The following MAPRE2 variants were observed in gnomAD, a reference collection of about 807,000 sequenced individuals.
MAPRE2 encodes microtubule-associated protein RP/EB family member 2.
Under a neutral mutation model 43.2 loss-of-function variants are expected in MAPRE2, and 13 were observed. That is an observed-to-expected ratio of 0.30 (90% CI 0.20 to 0.48). MAPRE2 has a LOEUF of 0.48. MAPRE2 is among the 20% of genes least tolerant of loss of function. The pLI, the probability that MAPRE2 is intolerant of heterozygous loss-of-function variation, is 0.99. For synonymous variants in MAPRE2, 135 were observed against 148.8 expected, an observed-to-expected ratio of 0.91 and a Z score of 0.68; for missense variants, 161 against 400.2, an observed-to-expected ratio of 0.40 and a Z score of 5.10.
chr18:35,128,020 G>A lies in MAPRE2; in HGVS notation c.750+933G>A, dbSNP rs143579421. 5.5e-3 allele frequency among the ~76,000 whole-genome samples: 834 copies of A among 152,298 alleles called. 6 individuals carry two copies. The highest frequency in any genetic ancestry group is 0.016 in the African/African-American group (652 of 41,562). ...TCAGGGCCCCAGGCTGTTCCCAGCC[G>A]CTCACTGGGCCCGTCGTGGTGATTA... On this transcript the variant is annotated intron_variant, in intron 5 of 6. Coordinates refer to ENST00000300249, the MANE Select transcript of MAPRE2 (RefSeq NM_014268.4).
chr18:35,100,915 T>C (rs976900212), intron 3 of MAPRE2, among the ~76,000 whole-genome samples: 4 of 152,156 alleles, frequency 2.6e-5, no homozygotes, highest in Admixed American at 6.6e-5. Context: ...GGTGCATGCC[T>C]GTAATCCCAG....
chr18:35,013,228 G>T (rs2097035910), intron 2 of MAPRE2, among the ~76,000 whole-genome samples: 3 of 152,092 alleles, frequency 2.0e-5, no homozygotes, highest in Non-Finnish European at 4.4e-5. Context: ...TAACCCTTAA[G>T]ATACTGACTA....
At chr18:35,070,879 C>A (rs1397151435) in intron 2 of MAPRE2, among the ~76,000 whole-genome samples, 2 of 152,178 alleles carry the variant, frequency 1.3e-5, no homozygotes, top group Admixed American at 1.3e-4. Flanking sequence ...CTTTCCCCTT[C>A]TTTTCATTTG....
intron 6 of MAPRE2, among the ~76,000 whole-genome samples, chr18:35,133,537 T>TA (rs1910256075): frequency 6.6e-6 from 1 of 151,384 alleles, no homozygotes; most frequent in East Asian, 2.0e-4. Flanking sequence ...TATTTGAGGC[T>TA]AAATCAGCTG....
intron 6 of MAPRE2, among the ~76,000 whole-genome samples, chr18:35,135,305 G>T (rs1395004289): frequency 1.3e-5 from 2 of 152,144 alleles, no homozygotes; most frequent in Non-Finnish European, 2.9e-5. Flanking sequence ...AGTGGGCCTG[G>T]ATGCCGTGCT....
chr18:35,101,682 C>T (rs1340568690), intron 3 of MAPRE2, among the ~76,000 whole-genome samples: 1 of 152,102 alleles, frequency 6.6e-6, no homozygotes, highest in Non-Finnish European at 1.5e-5. Context: ...GCATAATGAT[C>T]TCCAGTTTCA....
chr18:35,042,054 G>A (rs1464844393), intron 1 of MAPRE2, among the ~76,000 whole-genome samples: 1 of 152,190 alleles, frequency 6.6e-6, no homozygotes, highest in Non-Finnish European at 1.5e-5. Flanking sequence ...GGGAGGGTGG[G>A]GAGAAAAACG....
chr18:35,019,978 T>G lies in MAPRE2; in HGVS notation c.-8+14425T>G, dbSNP rs1297766243. Among the ~76,000 whole-genome samples the G allele has an allele frequency of 4.6e-5, 7 of 152,246 alleles. No individual in the cohort carries two copies. In the South Asian group the frequency reaches 1.0e-3, roughly 23 times the overall value. ...ACTTATCTCCCCAGACATTAGATAC[T>G]TAATACATACTTCTGAGTTCTGTAA... On this transcript the variant is annotated intron_variant, in intron 2 of 7. Transcript: ENST00000413393.
chr18:35,024,609 T>C (rs1408704330), intron 2 of MAPRE2, among the ~76,000 whole-genome samples: 1 of 152,236 alleles, frequency 6.6e-6, no homozygotes, highest in Non-Finnish European at 1.5e-5. Flanking sequence ...AAAGTTAATT[T>C]AACCTTCATT....
At chr18:35,077,738 T>C (rs763731856) in intron 2 of MAPRE2, among the ~76,000 whole-genome samples, 3 of 152,212 alleles carry the variant, frequency 2.0e-5, no homozygotes, top group Non-Finnish European at 4.4e-5. Flanking sequence ...TTATAATTCA[T>C]AATTCTAATT....
At chr18:35,082,289 C>CAAAAAAAAAAAAAA (rs777649319) in intron 2 of MAPRE2, 1 of 28,828 alleles carries the variant, frequency 3.5e-5, no homozygotes, top group African/African-American at 4.0e-4. Context: ...GACTCCGTCT[C>CAAAAAAAAAAAAAA]AAAAAAAAAA....
At chr18:35,022,721 C>A (rs1211304048) in intron 2 of MAPRE2, among the ~76,000 whole-genome samples, 3 of 152,010 alleles carry the variant, frequency 2.0e-5, no homozygotes, top group Admixed American at 6.6e-5. Flanking sequence ...GGGAAGATAA[C>A]CATAGTCACA....
At chr18:34,985,056 A>G (rs2097018766) in intron 1 of MAPRE2, among the ~76,000 whole-genome samples, 1 of 89,982 alleles carries the variant, frequency 1.1e-5, no homozygotes, top group Non-Finnish European at 1.9e-5. Flanking sequence ...AATATATTAT[A>G]TAATATATAA....
chr18:35,004,676 G>A (rs887758532), intron 1 of MAPRE2, among the ~76,000 whole-genome samples: 40 of 152,224 alleles, frequency 2.6e-4, no homozygotes, highest in African/African-American at 9.6e-4. Flanking sequence ...CCAGCACTTT[G>A]GGAAGCCAAG....
intron 1 of MAPRE2, among the ~76,000 whole-genome samples, chr18:35,059,147 T>C (rs1335736761): frequency 6.6e-6 from 1 of 152,198 alleles, no homozygotes; most frequent in Non-Finnish European, 1.5e-5. Context: ...TGTTTACTAG[T>C]GAAGAAAAGG....
At chr18:35,064,000 TAAAAAAAAAA>T (rs575347953) in intron 1 of MAPRE2, among the ~76,000 whole-genome samples, 19 of 33,970 alleles carry the variant, frequency 5.6e-4, no homozygotes, top group Non-Finnish European at 7.7e-4. Context: ...CCTGTCTCTT[TAAAAAAAAAA>T]AAAAAAAAAA....
chr18:34,989,905 C>T (rs2097022884), intron 1 of MAPRE2, among the ~76,000 whole-genome samples: 1 of 152,112 alleles, frequency 6.6e-6, no homozygotes, highest in Non-Finnish European at 1.5e-5. Flanking sequence ...AAAGCCTTTC[C>T]TAACCTCCTA....
chr18:35,006,822 G>T (rs2097032090), intron 2 of MAPRE2, among the ~76,000 whole-genome samples: 1 of 152,114 alleles, frequency 6.6e-6, no homozygotes, highest in South Asian at 2.1e-4. Context: ...AACTAGCTGG[G>T]CATTGTGGTG....
upstream of MAPRE2, chr18:35,041,346 G>A: frequency 7.0e-7 from 1 of 1,438,572 alleles, no homozygotes. Context: ...GGGTGCTGCT[G>A]CCGGCGCTCT....
Sources: gnomAD v4.1 joint callset for allele counts (sites outside exome capture counted in the v4.1 genomes callset) on GRCh38, gnomAD v4.1.1 for gene constraint, MANE v1.5 for transcripts, NCBI Gene and HGNC (gene_info 2026-07-23, HGNC 2026-07-21) for gene names.